The following FHOD1 variants were observed in gnomAD, a reference collection of about 807,000 sequenced individuals.
FHOD1 encodes formin homology 2 domain containing 1.
In FHOD1, 89 loss-of-function variants were observed where a neutral mutation model predicts 111.6. The ratio of observed to expected loss-of-function variants is 0.80; its 90% CI spans 0.67 to 0.95. The LOEUF (loss-of-function observed/expected upper bound fraction) is 0.95. Ranked by LOEUF, FHOD1 falls within the 40% of genes least tolerant of loss-of-function variation. The pLI is 0.00. For synonymous variants in FHOD1, 618 were observed against 639.0 expected (o/e 0.97, Z 0.50); for missense variants, 1,446 against 1,554.2 (o/e 0.93, Z 1.17).
At chr16:67,242,912 T>C (rs1348886124) in intron 1 of FHOD1, among the ~76,000 whole-genome samples, 2 of 151,732 alleles carry the variant, frequency 1.3e-5, no homozygotes, top group Non-Finnish European at 2.9e-5. Context: ...TATATAGATA[T>C]AGATCTATAA....
In FHOD1 at chr16:67,237,152, C is replaced by T. The variant is rs571145502; in HGVS notation, c.994-38G>A. The T allele has an allele frequency of 1.9e-6, 3 of 1,602,108 alleles. No homozygotes were observed. The highest frequency in any genetic ancestry group is 1.3e-5 in the African/African-American group (1 of 74,646). Reference sequence around the variant, plus strand: ...GACCAGGATGTAAGAAAGTGGTTAACGTGTATGCAGGTGGGGTGGGGCGCT... The same window carrying T: ...GACCAGGATGTAAGAAAGTGGTTAATGTGTATGCAGGTGGGGTGGGGCGCT... On this transcript the variant is annotated intron_variant, in intron 9 of 21. Transcript: ENST00000258201. This position sits in a 1 kb window ranked among gnomAD's most constrained non-coding sequence, Gnocchi z 5.6.
In FHOD1 at chr16:67,231,109, A is replaced by C. The variant is rs2034249654; in HGVS notation, c.2667+79T>G. 1 of 1,554,600 alleles carries C rather than the reference A, an allele frequency of 6.4e-7. No homozygotes were observed. The highest frequency in any genetic ancestry group is 2.3e-5 in the East Asian group (1 of 44,316). On this transcript the variant is annotated intron_variant, in intron 17 of 21. Transcript: ENST00000258201. The surrounding 1 kb of genome is among the most constrained non-coding windows in gnomAD (Gnocchi z 4.3). The stretch of plus-strand genomic sequence containing the variant: ...CCCTGGCACAGCAGCCCAAATGGGG[A>C]GAAGGGGGAGGAGCCAGGCCCAGGA...
intron 11 of FHOD1, 54 bp downstream of exon 11, chr16:67,236,503 G>A: frequency 6.3e-7 from 1 of 1,587,268 alleles, no homozygotes; most frequent in East Asian, 2.3e-5. Context: ...GGGGCGCAAA[G>A]CGGAGGGACA....
At position 67,229,668 on chromosome 16, in the gene FHOD1, C is replaced by CCAGT. The variant is rs748689976; in HGVS notation, c.3459_3462dup (p.Gly1155ThrfsTer33). On this transcript the variant is annotated frameshift_variant, in exon 22 of 22. Coordinates refer to ENST00000258201, the MANE Select transcript of FHOD1 (RefSeq NM_013241.3). LOFTEE classifies it high-confidence loss of function. ...TCCAGGCCAGGACCCTTGCTTAGTC[C>CCAGT]CAGTGCCTGCACCAGGTCATCTCCG... 6.2e-7 allele frequency: 1 copy of CCAGT among 1,614,192 alleles called. No individual in the cohort carries two copies. Among genetic ancestry groups the CCAGT allele is most frequent in the African/African-American group, 1.3e-5 (1 of 75,048 alleles).
rs1408658395 is a variant in FHOD1, at chr16:67,237,790, T to C, written c.643-22A>G. 2 of 1,600,726 alleles carry C rather than the reference T, an allele frequency of 1.2e-6. No homozygotes were observed. Among genetic ancestry groups the C allele is most frequent in the Non-Finnish European group, 1.7e-6 (2 of 1,167,896 alleles). ...GGGACTGAGGAGAGAGGTCAGTACATATGAGTGGGGCTTAGGCCAGACCTG... is the reference window on the plus strand; with the variant it reads ...GGGACTGAGGAGAGAGGTCAGTACACATGAGTGGGGCTTAGGCCAGACCTG... On this transcript the variant is annotated intron_variant, in intron 6 of 21. Coordinates refer to ENST00000258201, the MANE Select transcript of FHOD1 (RefSeq NM_013241.3). This position sits in a 1 kb window ranked among gnomAD's most constrained non-coding sequence, Gnocchi z 5.6.
At chr16:67,230,972 G>A in intron 17 of FHOD1, 181 bp from the exon 18 acceptor site, 1 of 832,770 alleles carries the variant, frequency 1.2e-6, no homozygotes, top group Non-Finnish European at 1.8e-6. Context: ...AAGGTTTACT[G>A]GGGGAAGTGG....
At chr16:67,244,631 A>G (rs2034760085) in intron 1 of FHOD1, among the ~76,000 whole-genome samples, 1 of 152,106 alleles carries the variant, frequency 6.6e-6, no homozygotes, top group Non-Finnish European at 1.5e-5. Flanking sequence ...GTGTGGGTGG[A>G]GTCCCAGGGA....
At position 67,237,253 on chromosome 16, in the gene FHOD1, G is replaced by A. The variant is rs1036789063; in HGVS notation, c.979C>T (p.Leu327Phe). The part of the protein sequence containing the change: ...AGTDVDLRTQ[L>F]VLYENALKLE... ...GCCCGGCCCACCTCGTAGAGCACAA[G>A]CTGCGTGCGCAGGTCGACGTCAGTG... The change falls in exon 9 of 22, where the codon CTT (leucine) becomes TTT (phenylalanine). Residue 327 changes from leucine (L) to phenylalanine (F), a missense_variant. Transcript: ENST00000258201. This position sits in a 1 kb window ranked among gnomAD's most constrained non-coding sequence, Gnocchi z 5.6. 2 of 1,613,664 alleles carry A rather than the reference G, an allele frequency of 1.2e-6. No homozygotes were observed. The highest frequency in any genetic ancestry group is 8.5e-7 in the Non-Finnish European group (1 of 1,179,844).
Position 67,230,170 on chromosome 16 carries a change from G to A in FHOD1, c.3110C>T (p.Ala1037Val), listed in dbSNP as rs1363514595. ...TCCCCGGCCTGGCCCGCTGCTCACTGCTACTGGGACAGAGGGGTTGCTGGG... is the reference window on the plus strand; with the variant it reads ...TCCCCGGCCTGGCCCGCTGCTCACTACTACTGGGACAGAGGGGTTGCTGGG... ...EAPSNPSVPV[A>V]VSSGPGRGDA... Residue 1037 changes from alanine to valine, a missense_variant, in exon 20 of 22, where the codon GCA (alanine) becomes GTA (valine). Coordinates refer to ENST00000258201, the MANE Select transcript of FHOD1 (RefSeq NM_013241.3). The A allele has an allele frequency of 3.7e-6, 6 of 1,614,040 alleles. No homozygotes were observed. The highest frequency in any genetic ancestry group is 5.1e-6 in the Non-Finnish European group (6 of 1,180,008).
chr16:67,237,133 G>A lies in FHOD1; in HGVS notation c.994-19C>T, dbSNP rs1199062507. 1.9e-6 allele frequency: 3 copies of A among 1,605,024 alleles called. No individual in the cohort carries two copies. The African/African-American group carries it at 4.0e-5, about 22-fold the overall frequency. ...GGGCGTTCTAGCAGAGGCGGACCAG[G>A]ATGTAAGAAAGTGGTTAACGTGTAT... On this transcript the variant is annotated intron_variant, in intron 9 of 21. Transcript: ENST00000258201. This position sits in a 1 kb window ranked among gnomAD's most constrained non-coding sequence, Gnocchi z 5.6.
In FHOD1 at chr16:67,247,365, C is replaced by T. The variant is rs1393404584; in HGVS notation, c.46G>A (p.Val16Met). Residue 16 changes from valine (V) to methionine (M), a missense_variant, in exon 1 of 22, where the codon GTG (valine) becomes ATG (methionine). This residue lies in a region of FHOD1 where 127 missense variants were observed against 118.0 expected (regional missense o/e 1.08). Transcript: ENST00000258201. ...TCCAGGTACTGCACCCTCACGGTCA[C>T]CACTGATACCGGCTCTCCGTCCCCG... The part of the protein sequence containing the change: ...DRGDGEPVSV[V>M]TVRVQYLEDT... 6.2e-7 allele frequency: 1 copy of T among 1,613,580 alleles called. No homozygotes were observed. The highest frequency in any genetic ancestry group is 1.7e-5 in the Admixed American group (1 of 60,028).
Position 67,237,079 on chromosome 16 carries a change from T to C in FHOD1, c.1029A>G (p.Glu343=). The C allele has an allele frequency of 6.2e-7, 1 of 1,612,888 alleles. No homozygotes were observed. The highest frequency in any genetic ancestry group is 8.5e-7 in the Non-Finnish European group (1 of 1,179,602). ...CCCGCCGCCCACCAGCGCCTGGGGC[T>C]TCTTCGATGTCTCCATCCTCCAATT... ...ALKLEDGDIE[E]APGAGGRRER... is the part of the protein sequence containing the mutation. The change falls in exon 10 of 22, where the codon GAA becomes GAG. Residue 343 remains glutamate (E), a synonymous_variant. Coordinates refer to ENST00000258201, the MANE Select transcript of FHOD1 (RefSeq NM_013241.3). This position sits in a 1 kb window ranked among gnomAD's most constrained non-coding sequence, Gnocchi z 5.6.
rs751354160 is a variant in FHOD1, at chr16:67,238,913, G to A, written c.363C>T (p.Asn121=). 8.7e-6 allele frequency: 14 copies of A among 1,614,086 alleles called. No homozygotes were observed. The highest frequency in any genetic ancestry group is 1.6e-4 in the Middle Eastern group (1 of 6,084). Residue 121 remains asparagine (N), a synonymous_variant, in exon 3 of 22, where the codon AAC becomes AAT. Transcript: ENST00000258201. The surrounding 1 kb of genome is among the most constrained non-coding windows in gnomAD (Gnocchi z 4.2). ...CTCTCACACACTCACCCAAGATAGC[G>A]TTGACCCTCACAGAGAGCTGGGTCC... ...ILRTQLSVRV[N]AILEKLYSSS... is the part of the protein sequence containing the mutation.
rs367638121 is a variant in FHOD1 at position 67,237,372 on chromosome 16, G to A, written c.860C>T (p.Ala287Val). The A allele has an allele frequency of 1.2e-6, 2 of 1,613,850 alleles. No individual in the cohort carries two copies. Among genetic ancestry groups the A allele is most frequent in the East Asian group, 2.2e-5 (1 of 44,846 alleles). The change falls in exon 9 of 22, where the codon GCG (alanine) becomes GTG (valine). Residue 287 changes from alanine to valine, a missense_variant. Around this residue, in one of 3 missense-constraint regions of FHOD1, gnomAD observed 234 missense variants for 327.4 expected, o/e 0.71. Coordinates refer to ENST00000258201, the MANE Select transcript of FHOD1 (RefSeq NM_013241.3). This position sits in a 1 kb window ranked among gnomAD's most constrained non-coding sequence, Gnocchi z 5.6. ...GTAGAAGGAGTCCTGGTCCGGGAGCGCCGCCAGCGTCTGGAGGGCGGGGAT... is the reference window on the plus strand; with the variant it reads ...GTAGAAGGAGTCCTGGTCCGGGAGCACCGCCAGCGTCTGGAGGGCGGGGAT... ...TVTLINKTLA[A>V]LPDQDSFYDV...
In FHOD1 at chr16:67,237,836, G is replaced by A; in HGVS notation, c.643-68C>T. On this transcript the variant is annotated intron_variant, in intron 6 of 21. Transcript: ENST00000258201. This position sits in a 1 kb window ranked among gnomAD's most constrained non-coding sequence, Gnocchi z 5.6. ...ACCTGTGCCAGCTGTTGCTGGGGAAGGGGAAGGGCTGCTGGGGCTGGACCC... is the reference window on the plus strand; with the variant it reads ...ACCTGTGCCAGCTGTTGCTGGGGAAAGGGAAGGGCTGCTGGGGCTGGACCC... 1 of 1,479,682 alleles carries A rather than the reference G, an allele frequency of 6.8e-7. No homozygotes were observed. The highest frequency in any genetic ancestry group is 9.4e-7 in the Non-Finnish European group (1 of 1,059,508). The allele number at this position is 1,479,682 out of a possible 1,614,324, so 91.7% of individuals were successfully genotyped here. A position where few individuals can be genotyped will look rare whatever the true frequency, so the allele number is the denominator to read the frequency against.
At chr16:67,233,522 G>A in intron 13 of FHOD1, 135 bp downstream of exon 13, 1 of 1,278,014 alleles carries the variant, frequency 7.8e-7, no homozygotes, top group Non-Finnish European at 1.0e-6. Flanking sequence ...AGGAGACCTT[G>A]GACAATTTCC....
At chr16:67,230,897 C>T in intron 17 of FHOD1, 106 bp from the exon 18 acceptor site, 2 of 1,223,902 alleles carry the variant, frequency 1.6e-6, no homozygotes, top group Non-Finnish European at 2.3e-6. Context: ...CCTAAGGACA[C>T]AGACATCCAA....
intron 13 of FHOD1, 49 bp downstream of exon 13, chr16:67,233,608 G>T: frequency 6.5e-7 from 1 of 1,531,700 alleles, no homozygotes; most frequent in Non-Finnish European, 8.8e-7. Context: ...CTTAAGCTCT[G>T]ATTCCCTCCT....
In FHOD1 at chr16:67,236,947, T is replaced by C. The variant is rs1245540112; in HGVS notation, c.1142+19A>G. The C allele has an allele frequency of 6.9e-7, 1 of 1,459,756 alleles. No homozygotes were observed. The highest frequency in any genetic ancestry group is 2.0e-5 in the Admixed American group (1 of 49,966). The allele number at this position is 1,459,756 out of a possible 1,614,324, so 90.4% of individuals were successfully genotyped here. A position where few individuals can be genotyped will look rare whatever the true frequency, so the allele number is the denominator to read the frequency against. Reference sequence around the variant, plus strand: ...CCTAGTAGATCCACCCTTTCCCATCTACAGATGCTCGTACTTACCCAGGTT... The same window carrying C: ...CCTAGTAGATCCACCCTTTCCCATCCACAGATGCTCGTACTTACCCAGGTT... On this transcript the variant is annotated intron_variant, in intron 10 of 21. Coordinates refer to ENST00000258201, the MANE Select transcript of FHOD1 (RefSeq NM_013241.3).
Sources: gnomAD v4.1 joint callset for allele counts (sites outside exome capture counted in the v4.1 genomes callset) on GRCh38, gnomAD v4.1.1 for gene constraint, gnomAD v4.1.1 regional missense constraint, Gnocchi (gnomAD v3.1) non-coding constraint, MANE v1.5 for transcripts, NCBI Gene and HGNC (gene_info 2026-07-23, HGNC 2026-07-21) for gene names.